ZNF705G: variants seen among roughly 807,000 people sequenced by gnomAD.
ZNF705G encodes putative zinc finger protein 705G.
In ZNF705G, 23 loss-of-function variants were observed where a neutral mutation model predicts 19.6. The ratio of observed to expected loss-of-function variants is 1.17; its 90% CI spans 0.84 to 1.66. ZNF705G has a LOEUF of 1.66. ZNF705G is among the 40% of genes most tolerant of loss of function. The pLI, the probability that ZNF705G is intolerant of heterozygous loss-of-function variation, is 0.00. For missense variants in ZNF705G, 457 were observed against 354.4 expected (o/e 1.29, Z -2.32); for synonymous variants, 146 against 117.7 (o/e 1.24, Z -1.56).
At chr8:7,366,770 T>C (rs1302393828) in intron 2 of ZNF705G, among the ~76,000 whole-genome samples, 1 of 149,530 alleles carries the variant, frequency 6.7e-6, no homozygotes, top group Non-Finnish European at 1.5e-5. Context: ...AAGCAGAATA[T>C]AATTTAACTA....
intron 1 of ZNF705G, 56 bp downstream of exon 1, chr8:7,385,442 C>G (rs963370160): frequency 2.7e-5 from 4 of 149,324 alleles, no homozygotes; most frequent in African/African-American, 1.0e-4. Flanking sequence ...GAAAGCAAGC[C>G]TCTTTATTGC....
At chr8:7,365,375 ATTT>A (rs71253679) in intron 2 of ZNF705G, among the ~76,000 whole-genome samples, 12 of 112,048 alleles carry the variant, frequency 1.1e-4, no homozygotes, top group Non-Finnish European at 1.0e-4. Context: ...GTCTCTCTCT[ATTT>A]TTTTTTTTTT....
intron 2 of ZNF705G, among the ~76,000 whole-genome samples, chr8:7,370,856 G>A (rs1337386188): frequency 1.8e-5 from 2 of 108,412 alleles, no homozygotes; most frequent in Non-Finnish European, 3.7e-5. Context: ...AATGTGGTAT[G>A]TAAACACCAT....
rs189822369 is a variant in ZNF705G at position 7,360,780 on chromosome 8, G to T, written c.139+330C>A. Among the ~76,000 whole-genome samples the T allele has an allele frequency of 7.9e-3, 1,187 of 149,456 alleles. 10 individuals are homozygous for T. The highest frequency in any genetic ancestry group is 0.025 in the South Asian group (117 of 4,754). On this transcript the variant is annotated intron_variant, in intron 4 of 6. Transcript: ENST00000400156. ...CTCAGCCTAAGCATAGACTAAAGCA[G>T]AAGAGTTATTTAGAAAATATTTAAT...
At chr8:7,364,471 A>G (rs1703321173) in intron 2 of ZNF705G, among the ~76,000 whole-genome samples, 1 of 149,682 alleles carries the variant, frequency 6.7e-6, no homozygotes, top group Non-Finnish European at 1.5e-5. Flanking sequence ...CAGTTTATTT[A>G]CCAATTTAAT....
In ZNF705G at chr8:7,357,962, C is replaced by G. The variant is rs11779457; in HGVS notation, c.*14G>C. 6 of 1,604,078 alleles carry G rather than the reference C, an allele frequency of 3.7e-6. 1 individual carries two copies. The highest frequency in any genetic ancestry group is 5.1e-6 in the Non-Finnish European group (6 of 1,176,428). Reference sequence around the variant, plus strand: ...GCATTCATATGGCTTTTCTCCAGTGCGTGTTCTCTCATGTCATCTAAGGTT... The same window carrying G: ...GCATTCATATGGCTTTTCTCCAGTGGGTGTTCTCTCATGTCATCTAAGGTT... On this transcript the variant is annotated 3_prime_UTR_variant, in exon 7 of 7. Coordinates refer to ENST00000400156, the MANE Select transcript of ZNF705G (RefSeq NM_001164457.3).
intron 2 of ZNF705G, among the ~76,000 whole-genome samples, chr8:7,378,748 C>T (rs534254034): frequency 1.4e-5 from 2 of 144,164 alleles, no homozygotes; most frequent in Non-Finnish European, 3.0e-5. Context: ...ATCTTCTCCC[C>T]ACTCTTCCAT....
At chr8:7,384,364 A>G (rs1807638325) in intron 1 of ZNF705G, among the ~76,000 whole-genome samples, 1 of 145,814 alleles carries the variant, frequency 6.9e-6, no homozygotes, top group Non-Finnish European at 1.5e-5. Flanking sequence ...TGTTTTAACT[A>G]GGATCACCAC....
chr8:7,383,787 A>G (rs1288948502), intron 1 of ZNF705G, among the ~76,000 whole-genome samples: 1 of 148,078 alleles, frequency 6.8e-6, no homozygotes, highest in Non-Finnish European at 1.5e-5. Context: ...AGCTCTCTCC[A>G]GACACCTATG....
At position 7,369,377 on chromosome 8, in the gene ZNF705G, G is replaced by A. The variant is rs776734603; in HGVS notation, c.-71-6360C>T. On this transcript the variant is annotated intron_variant, in intron 2 of 6. Transcript: ENST00000400156. ...CAGCAGTGCAGAGGGAAAATGTGGC[G>A]TTGGAACCCCCACAGAGTCCACACT... 4.9e-4 allele frequency among the ~76,000 whole-genome samples: 73 copies of A among 149,434 alleles called. 4 individuals are homozygous for A. Among genetic ancestry groups the A allele is most frequent in the African/African-American group, 9.0e-4 (35 of 38,854 alleles).
Position 7,356,147 on chromosome 8 carries a change from G to C in ZNF705G, c.*1829C>G, listed in dbSNP as rs1444704873. 1.3e-5 allele frequency: 2 copies of C among 149,250 alleles called. No individual in the cohort carries two copies. The highest frequency in any genetic ancestry group is 2.6e-5 in the African/African-American group (1 of 38,680). 9.2% of individuals were successfully genotyped at this position (149,250 alleles called of 1,614,324 possible). A position where few individuals can be genotyped will look rare whatever the true frequency, so the allele number is the denominator to read the frequency against. The stretch of plus-strand genomic sequence containing the variant: ...CAATTCTGAGGACAAGGCAGAGGAG[G>C]GCCCCTCTGTGAGAACTTTCATTTT... On this transcript the variant is annotated 3_prime_UTR_variant, in exon 7 of 7. Coordinates refer to ENST00000400156, the MANE Select transcript of ZNF705G (RefSeq NM_001164457.3).
intron 1 of ZNF705G, among the ~76,000 whole-genome samples, chr8:7,385,193 G>A (rs12680482): frequency 6.8e-6 from 1 of 148,034 alleles, no homozygotes; most frequent in South Asian, 2.1e-4. Flanking sequence ...GTCATGGTGG[G>A]CCAAGTGGGT....
chr8:7,380,439 G>A lies in ZNF705G; in HGVS notation c.-72+1013C>T, dbSNP rs1238430499. Among the ~76,000 whole-genome samples, 35 of 147,514 alleles carry A rather than the reference G, an allele frequency of 2.4e-4. 4 individuals are homozygous for A. The highest frequency in any genetic ancestry group is 8.9e-4 in the African/African-American group (33 of 36,954). Reference sequence around the variant, plus strand: ...GCCTGTGCACATTGTCTGGGAGCCTGGGAATTAATCCACCATGCCTATCAC... The same window carrying A: ...GCCTGTGCACATTGTCTGGGAGCCTAGGAATTAATCCACCATGCCTATCAC... On this transcript the variant is annotated intron_variant, in intron 2 of 6. Transcript: ENST00000400156.
chr8:7,360,840 T>A (rs1305092992), intron 4 of ZNF705G, among the ~76,000 whole-genome samples: 4 of 149,486 alleles, frequency 2.7e-5, no homozygotes, highest in Admixed American at 2.6e-4. Flanking sequence ...AGTTCCCAGG[T>A]CTGTTATGAG....
intron 2 of ZNF705G, among the ~76,000 whole-genome samples, chr8:7,364,040 C>T (rs1296174380): frequency 6.7e-6 from 1 of 149,450 alleles, no homozygotes. Context: ...AGAAATTTAG[C>T]AGCTCAATCT....
intron 6 of ZNF705G, among the ~76,000 whole-genome samples, 165 bp from the exon 7 acceptor site, chr8:7,358,725 A>C (rs1806415885): frequency 6.7e-6 from 1 of 149,510 alleles, no homozygotes; most frequent in Non-Finnish European, 1.5e-5. Flanking sequence ...CCCCAAACTC[A>C]TTTAACCAAA....
intron 3 of ZNF705G, among the ~76,000 whole-genome samples, chr8:7,362,130 G>A (rs1266966154): frequency 1.3e-5 from 2 of 149,088 alleles, no homozygotes; most frequent in Non-Finnish European, 2.9e-5. Context: ...CCTCTTCATT[G>A]TTTTTTTTCT....
rs561693897 is a variant in ZNF705G, at chr8:7,380,140, A to G, written c.-72+1312T>C. On this transcript the variant is annotated intron_variant, in intron 2 of 6. Coordinates refer to ENST00000400156, the MANE Select transcript of ZNF705G (RefSeq NM_001164457.3). ...AAGCAGGCACTCTTCTCAAGTGGAG[A>G]GTCACCTTCCCAGGACCACTGACAC... is the stretch of plus-strand genomic sequence containing the variant. Among the ~76,000 whole-genome samples the G allele has an allele frequency of 8.4e-5, 12 of 143,488 alleles. No individual in the cohort carries two copies. The East Asian group carries it at 2.3e-3, about 28-fold the overall frequency. The allele number at this position is 143,488 out of a possible 152,430, so 94.1% of individuals were successfully genotyped here.
In ZNF705G at chr8:7,379,227, A is replaced by G. The variant is rs1277166467; in HGVS notation, c.-72+2225T>C. On this transcript the variant is annotated intron_variant, in intron 2 of 6. Coordinates refer to ENST00000400156, the MANE Select transcript of ZNF705G (RefSeq NM_001164457.3). ...CTCGAAATCTCAAAAAGTTCAAAAC[A>G]TTGGGTTCAAAATCTCGGAGATTGA... Among the ~76,000 whole-genome samples, 3 of 147,782 alleles carry G rather than the reference A, an allele frequency of 2.0e-5. 1 individual carries two copies. The highest frequency in any genetic ancestry group is 6.6e-5 in the Admixed American group (1 of 15,216).
Sources: allele counts gnomAD v4.1 joint callset (sites outside exome capture counted in the v4.1 genomes callset), GRCh38; gene constraint gnomAD v4.1.1; transcripts MANE v1.5; gene names NCBI Gene and HGNC (gene_info 2026-07-23, HGNC 2026-07-21).